Variants in DEPDC5 observed in about 807,000 individuals in gnomAD.
DEPDC5 encodes the protein GATOR1 complex protein DEPDC5.
DEPDC5 carries 73 observed loss-of-function variants against 217.3 expected under a neutral mutation model. That is an observed-to-expected ratio of 0.34 (90% CI 0.28 to 0.41). The LOEUF (loss-of-function observed/expected upper bound fraction) is 0.41, where lower values mean the gene tolerates loss of function less well. DEPDC5 is among the 10% of genes least tolerant of loss of function. The probability of loss-of-function intolerance (pLI) is 1.00; values close to 1 mark genes in which losing one functional copy is unlikely to be tolerated. For synonymous variants in DEPDC5, 733 were observed against 756.7 expected (o/e 0.97, Z 0.51); for missense variants, 1,675 against 2,070.1 (o/e 0.81, Z 3.70).
At chr22:31,889,418 C>T (rs946274107) in intron 38 of DEPDC5, among the ~76,000 whole-genome samples, 2 of 152,136 alleles carry the variant, frequency 1.3e-5, no homozygotes, top group African/African-American at 2.4e-5. Flanking sequence ...ACTTAACATG[C>T]CAGATGGGAG....
At chr22:31,755,218 G>T (rs1432885085) in intron 2 of DEPDC5, 1 of 523,862 alleles carries the variant, frequency 1.9e-6, no homozygotes, top group Non-Finnish European at 3.4e-6. Context: ...TTCATTTGTT[G>T]AATTGCATTA....
intron 31 of DEPDC5, among the ~76,000 whole-genome samples, chr22:31,854,600 C>T (rs1425718392): frequency 1.3e-5 from 2 of 152,170 alleles, no homozygotes. Flanking sequence ...ATGAATGGAT[C>T]TAGCAAAGAT....
At chr22:31,827,891 A>C (rs1165092730) in intron 24 of DEPDC5, among the ~76,000 whole-genome samples, 4 of 152,132 alleles carry the variant, frequency 2.6e-5, no homozygotes, top group African/African-American at 9.7e-5. Flanking sequence ...GACTATTAAT[A>C]GTGTCCCCTT....
chr22:31,892,825 C>A (rs2093467080), intron 38 of DEPDC5, among the ~76,000 whole-genome samples: 1 of 151,852 alleles, frequency 6.6e-6, no homozygotes, highest in Non-Finnish European at 1.5e-5. Flanking sequence ...ATCATTGTCA[C>A]CCAGAATATC....
intron 7 of DEPDC5, among the ~76,000 whole-genome samples, chr22:31,775,260 A>G (rs919048673): frequency 2.6e-5 from 4 of 151,576 alleles, no homozygotes; most frequent in African/African-American, 7.3e-5. Context: ...GCTCATTGCA[A>G]CCTCTGCCTC....
intron 20 of DEPDC5, among the ~76,000 whole-genome samples, chr22:31,810,879 G>A (rs1424385187): frequency 5.3e-5 from 8 of 152,114 alleles, no homozygotes; most frequent in African/African-American, 1.4e-4. Context: ...GGGTTCAAGC[G>A]GTTCTCCTGC....
At chr22:31,894,844 TAAAAAAAAAAGGA>T (rs769995129) in intron 39 of DEPDC5, 1 of 121,876 alleles carries the variant, frequency 8.2e-6, no homozygotes, top group South Asian at 2.6e-4. Flanking sequence ...GACTTCATCT[TAAAAAAAAAAGGA>T]AAAAAAAAAA....
intron 33 of DEPDC5, among the ~76,000 whole-genome samples, chr22:31,868,627 G>A (rs568149944): frequency 2.6e-5 from 4 of 152,182 alleles, no homozygotes; most frequent in South Asian, 2.1e-4. Context: ...GGGTTTCACC[G>A]TGTTGCCTAG....
chr22:31,869,565 T>TAA (rs3069117), intron 33 of DEPDC5, among the ~76,000 whole-genome samples: 1 of 125,390 alleles, frequency 8.0e-6, no homozygotes, highest in Non-Finnish European at 1.6e-5. Flanking sequence ...AGTCTGTCTT[T>TAA]AAAAAAAAAA....
chr22:31,811,646 C>T (rs1326996441), intron 20 of DEPDC5, among the ~76,000 whole-genome samples: 1 of 151,384 alleles, frequency 6.6e-6, no homozygotes, highest in South Asian at 2.1e-4. Context: ...GCCTCCTGGG[C>T]TCAAGTGATC....
Position 31,792,078 on chromosome 22 carries a change from A to G in DEPDC5, c.670A>G (p.Thr224Ala). Residue 224 changes from threonine to alanine, a missense_variant, in exon 11 of 43, where the codon ACT (threonine) becomes GCT (alanine). This residue lies in a region of DEPDC5 where 628 missense variants were observed against 762.1 expected (regional missense o/e 0.82). Coordinates refer to ENST00000651528, the MANE Select transcript of DEPDC5 (RefSeq NM_001242896.3). ...AGTGACAGTGGTCCTGTTTTCTAGAACTTTCTATGATGCAAAATCTGTTGG... is the reference window on the plus strand; with the variant it reads ...AGTGACAGTGGTCCTGTTTTCTAGAGCTTTCTATGATGCAAAATCTGTTGG... ...HEVTVVLFSR[T>A]FYDAKSVDEF... 1 of 1,612,818 alleles carries G rather than the reference A, an allele frequency of 6.2e-7. No homozygotes were observed. Among genetic ancestry groups the G allele is most frequent in the Non-Finnish European group, 8.5e-7 (1 of 1,179,220 alleles).
chr22:31,771,715 TCACACACACACA>T (rs55851105), intron 7 of DEPDC5, among the ~76,000 whole-genome samples: 9,381 of 77,810 alleles, frequency 0.12, 554 homozygotes, highest in Middle Eastern at 0.15. Flanking sequence ...CAAGACTCCG[TCACACACACACA>T]CACACACACA....
intron 39 of DEPDC5, 127 bp from the exon 40 acceptor site, chr22:31,897,355 C>A: frequency 1.6e-6 from 2 of 1,250,300 alleles, no homozygotes; most frequent in Non-Finnish European, 2.2e-6. Context: ...AGCCAGCAAA[C>A]ATGAATAAAT....
Position 31,845,104 on chromosome 22 carries a change from A to T in DEPDC5, c.2888A>T (p.Glu963Val). Residue 963 changes from glutamate (E) to valine (V), a missense_variant, in exon 30 of 43, where the codon GAG becomes GTG. Glu to Val is a moderately radical substitution (Grantham distance 121). Transcript: ENST00000651528. ...GCCACCAAGCGCATCACGGAGGGGG[A>T]GGCCCACTGCGACATCTATGGGGAC... is the stretch of plus-strand genomic sequence containing the variant. ...VTATKRITEGEAHCDIYGDRP... is the reference protein window; with the variant it reads ...VTATKRITEGVAHCDIYGDRP... 1 of 1,613,650 alleles carries T rather than the reference A, an allele frequency of 6.2e-7. No homozygotes were observed. The highest frequency in any genetic ancestry group is 8.5e-7 in the Non-Finnish European group (1 of 1,179,864).
chr22:31,758,474 G>A, intron 2 of DEPDC5, 72 bp from the exon 3 acceptor site: 1 of 1,403,308 alleles, frequency 7.1e-7, no homozygotes, highest in Non-Finnish European at 1.0e-6. Flanking sequence ...GGGGTTGTGA[G>A]GAACCAGTAT....
intron 6 of DEPDC5, 40 bp downstream of exon 6, chr22:31,766,708 A>G (rs2082849408): frequency 1.3e-6 from 2 of 1,558,586 alleles, no homozygotes; most frequent in Non-Finnish European, 1.8e-6. Flanking sequence ...TACTTTTTCC[A>G]TTATGTGAAT....
intron 31 of DEPDC5, among the ~76,000 whole-genome samples, chr22:31,855,989 A>G (rs1480138656): frequency 6.6e-6 from 1 of 151,964 alleles, no homozygotes; most frequent in African/African-American, 2.4e-5. Context: ...GGTGTAGCAT[A>G]TAGGATGCTT....
chr22:31,770,791 C>CT (rs1156973076), intron 7 of DEPDC5, among the ~76,000 whole-genome samples: 12,792 of 120,098 alleles, frequency 0.11, 897 homozygotes, highest in Admixed American at 0.15. Flanking sequence ...ATCTACTTTT[C>CT]TTTTTTTTTT....
In DEPDC5 at chr22:31,845,183, T is replaced by C; in HGVS notation, c.2967T>C (p.Phe989=). 1 of 1,614,192 alleles carries C rather than the reference T, an allele frequency of 6.2e-7. No homozygotes were observed. The highest frequency in any genetic ancestry group is 8.5e-7 in the Non-Finnish European group (1 of 1,180,020). The part of the protein sequence containing the change: ...EWQLLDGFVR[F]VEGLNRIRRR... ...AACTCCTGGATGGTTTTGTCCGCTT[T>C]GTGGAGGGCTTGAATCGCATTCGCA... is the stretch of plus-strand genomic sequence containing the variant. The change falls in exon 30 of 43, where the codon TTT becomes TTC. Residue 989 remains phenylalanine (F), a synonymous_variant. Transcript: ENST00000651528.
Sources: allele counts gnomAD v4.1 joint callset (sites outside exome capture counted in the v4.1 genomes callset), GRCh38; gene constraint gnomAD v4.1.1; regional missense constraint gnomAD v4.1.1; transcripts MANE v1.5; gene names NCBI Gene and HGNC (gene_info 2026-07-23, HGNC 2026-07-21).